RELN: variants seen among roughly 807,000 people sequenced by gnomAD.
The protein encoded by RELN is reelin.
Under a neutral mutation model 427.6 loss-of-function variants are expected in RELN, and 108 were observed. The ratio of observed to expected loss-of-function variants is 0.25; its 90% CI spans 0.22 to 0.30. RELN has a LOEUF of 0.30. Ranked by LOEUF, RELN falls within the 10% of genes least tolerant of loss-of-function variation. RELN has a pLI of 1.00. For missense variants in RELN, 3,715 were observed against 4,302.8 expected, an observed-to-expected ratio of 0.86 and a Z score of 3.82; for synonymous variants, 1,524 against 1,513.4, an observed-to-expected ratio of 1.01 and a Z score of -0.16.
At chr7:103,977,310 C>CA (rs201026012) in intron 1 of RELN, among the ~76,000 whole-genome samples, 2,892 of 88,064 alleles carry the variant, frequency 0.033, 140 homozygotes, top group Admixed American at 0.048. Context: ...GACTCTGTCT[C>CA]AAAAAAAAAA....
At chr7:103,692,335 G>A (rs1056716396) in intron 10 of RELN, among the ~76,000 whole-genome samples, 13 of 152,058 alleles carry the variant, frequency 8.5e-5, no homozygotes, top group African/African-American at 2.9e-4. Context: ...AGAGTGGGAG[G>A]ATTTCCAGAG....
At chr7:103,762,406 T>C (rs1022787365) in intron 4 of RELN, among the ~76,000 whole-genome samples, 1 of 152,250 alleles carries the variant, frequency 6.6e-6, no homozygotes, top group Non-Finnish European at 1.5e-5. Flanking sequence ...AGAAGCTTAA[T>C]TGACACTCTA....
At chr7:103,951,253 C>T (rs1239810847) in intron 1 of RELN, among the ~76,000 whole-genome samples, 1 of 152,216 alleles carries the variant, frequency 6.6e-6, no homozygotes, top group African/African-American at 2.4e-5. Context: ...TAGTCGAGTA[C>T]ATTTACAATC....
At chr7:103,786,517 C>CAAA (rs66567252) in intron 3 of RELN, among the ~76,000 whole-genome samples, 1 of 98,586 alleles carries the variant, frequency 1.0e-5, no homozygotes, top group Non-Finnish European at 2.0e-5. Flanking sequence ...AAAATGGAAC[C>CAAA]AAAAAAAAAA....
Position 103,651,652 on chromosome 7 carries a change from T to A in RELN, c.1892+9A>T. On this transcript the variant is annotated intron_variant, in intron 15 of 64. Coordinates refer to ENST00000428762, the MANE Select transcript of RELN (RefSeq NM_005045.4). The stretch of plus-strand genomic sequence containing the variant: ...AAGTATTTCAATATCTCAGAGAGAA[T>A]GTACTCACCCACTGTAGTTTTCAGA... 6.2e-7 allele frequency: 1 copy of A among 1,610,402 alleles called. No individual in the cohort carries two copies. The highest frequency in any genetic ancestry group is 8.5e-7 in the Non-Finnish European group (1 of 1,177,228).
At chr7:103,960,467 CCTT>C (rs1355609460) in intron 1 of RELN, among the ~76,000 whole-genome samples, 1 of 152,098 alleles carries the variant, frequency 6.6e-6, no homozygotes, top group Non-Finnish European at 1.5e-5. Flanking sequence ...TTTTTTTCCT[CCTT>C]AGTTTTATTT....
At position 103,503,137 on chromosome 7, in the gene RELN, C is replaced by T; in HGVS notation, c.8368G>A (p.Val2790Ile). The part of the protein sequence containing the change: ...TDFGVSWNYL[V>I]PQCLPADPKC... ...GGGTCAGCAGGCAAGCACTGAGGGA[C>T]CAGATAATTCCAACTCACACCGAAG... Residue 2790 changes from valine to isoleucine, a missense_variant, in exon 52 of 65, where the codon GTC becomes ATC. Around this residue, in one of 4 missense-constraint regions of RELN, gnomAD observed 1,310 missense variants for 1,643.0 expected, o/e 0.80. Transcript: ENST00000428762. The T allele has an allele frequency of 6.2e-7, 1 of 1,614,114 alleles. No homozygotes were observed. The highest frequency in any genetic ancestry group is 8.5e-7 in the Non-Finnish European group (1 of 1,180,030).
At chr7:103,777,423 C>T (rs373652785) in intron 3 of RELN, among the ~76,000 whole-genome samples, 1 of 152,080 alleles carries the variant, frequency 6.6e-6, no homozygotes, top group Non-Finnish European at 1.5e-5. Context: ...ATAAGCCATA[C>T]ACAAAACTTT....
intron 20 of RELN, among the ~76,000 whole-genome samples, chr7:103,622,331 C>T (rs1832240000): frequency 6.6e-6 from 1 of 152,170 alleles, no homozygotes; most frequent in African/African-American, 2.4e-5. Context: ...TAATATATAT[C>T]TTCAAATAGT....
In RELN at chr7:103,597,310, A is replaced by ATC. The variant is rs201001598; in HGVS notation, c.3334-650_3334-649insGA. Among the ~76,000 whole-genome samples, 119 of 152,282 alleles carry ATC rather than the reference A, an allele frequency of 7.8e-4. No homozygotes were observed. The South Asian group carries it at 0.012, about 15-fold the overall frequency. ...CGTAGAAGCTTCTTGACAAAAAGAA[A>ATC]GAGTACTTGAGGCCAGGCGCGGTGG... On this transcript the variant is annotated intron_variant, in intron 24 of 64. Transcript: ENST00000428762.
intron 8 of RELN, among the ~76,000 whole-genome samples, chr7:103,721,167 A>G (rs766166173): frequency 2.0e-5 from 3 of 152,024 alleles, no homozygotes; most frequent in Admixed American, 6.6e-5. Flanking sequence ...ATTTTTAGTT[A>G]TAAACTTGAG....
intron 24 of RELN, among the ~76,000 whole-genome samples, chr7:103,601,664 C>T: frequency 6.6e-6 from 1 of 152,160 alleles, no homozygotes; most frequent in East Asian, 1.9e-4. Flanking sequence ...AGGTTGGATA[C>T]TGGACCTGCT....
rs1829525287 is a variant in RELN, at chr7:103,515,036, T to C, written c.8119+149A>G. 3.1e-6 allele frequency: 3 copies of C among 970,386 alleles called. No homozygotes were observed. In the African/African-American group the frequency reaches 4.9e-5, roughly 16 times the overall value. The allele number at this position is 970,386 out of a possible 1,614,324, so 60.1% of individuals were successfully genotyped here. A position where few individuals can be genotyped will look rare whatever the true frequency, so the allele number is the denominator to read the frequency against. ...TAGTTAAAATGCCAACTAGGAAGGC[T>C]GAGAGGAACAAAAGGATGACACCCT... is the stretch of plus-strand genomic sequence containing the variant. On this transcript the variant is annotated intron_variant, in intron 50 of 64. Coordinates refer to ENST00000428762, the MANE Select transcript of RELN (RefSeq NM_005045.4).
At chr7:103,846,508 T>C (rs906960550) in intron 2 of RELN, among the ~76,000 whole-genome samples, 2 of 152,156 alleles carry the variant, frequency 1.3e-5, no homozygotes, top group Non-Finnish European at 2.9e-5. Context: ...ATTCAGGACA[T>C]AGGCGTGGGC....
chr7:103,895,388 G>A (rs1008151750), intron 2 of RELN, among the ~76,000 whole-genome samples: 2 of 152,118 alleles, frequency 1.3e-5, no homozygotes, highest in African/African-American at 4.8e-5. Context: ...TAATGAGAAT[G>A]CCGAGGGTCA....
intron 6 of RELN, among the ~76,000 whole-genome samples, chr7:103,745,139 A>T (rs1790783989): frequency 6.6e-6 from 1 of 152,186 alleles, no homozygotes; most frequent in Non-Finnish European, 1.5e-5. Flanking sequence ...GTAATCCAGC[A>T]TATAAACAGA....
intron 20 of RELN, among the ~76,000 whole-genome samples, chr7:103,617,120 T>C (rs1475933550): frequency 6.6e-6 from 1 of 152,210 alleles, no homozygotes; most frequent in Non-Finnish European, 1.5e-5. Context: ...CATTTTTTGA[T>C]TATTAAAGAA....
chr7:103,858,014 T>C (rs1181743204), intron 2 of RELN, among the ~76,000 whole-genome samples: 1 of 152,188 alleles, frequency 6.6e-6, no homozygotes, highest in Non-Finnish European at 1.5e-5. Context: ...TTCTTTTTTT[T>C]TGAAATCTTC....
intron 3 of RELN, among the ~76,000 whole-genome samples, chr7:103,784,148 T>C (rs1791960732): frequency 6.6e-6 from 1 of 152,148 alleles, no homozygotes; most frequent in African/African-American, 2.4e-5. Flanking sequence ...GACAAATTTC[T>C]CATGATTATC....
Sources: gnomAD v4.1 joint callset for allele counts (sites outside exome capture counted in the v4.1 genomes callset) on GRCh38, gnomAD v4.1.1 for gene constraint, gnomAD v4.1.1 regional missense constraint, MANE v1.5 for transcripts, NCBI Gene and HGNC (gene_info 2026-07-23, HGNC 2026-07-21) for gene names.